ESRRG: variants seen among roughly 807,000 people sequenced by gnomAD.
ESRRG encodes the protein estrogen related receptor gamma, also known as estrogen-related receptor gamma.
Under a neutral mutation model 44.0 loss-of-function variants are expected in ESRRG, and 13 were observed. That is an observed-to-expected ratio of 0.30 (90% CI 0.19 to 0.47). The LOEUF (loss-of-function observed/expected upper bound fraction) is 0.47. Among genes scored for constraint, ESRRG ranks in the 20% least tolerant of loss-of-function variants. ESRRG has a pLI of 1.00. For synonymous variants in ESRRG, 215 were observed against 214.6 expected (o/e 1.00, Z -0.02); for missense variants, 395 against 580.6 (o/e 0.68, Z 3.29).
chr1:216,506,798 T>C lies in ESRRG; in HGVS notation c.*141A>G, dbSNP rs993754386. On this transcript the variant is annotated 3_prime_UTR_variant, in exon 7 of 7. Transcript: ENST00000408911. Reference sequence around the variant, plus strand: ...CCTATGGAGGAATCTGAAAGCTGCTTCATAGTCTTGCTGCTAAATTATCAG... The same window carrying C: ...CCTATGGAGGAATCTGAAAGCTGCTCCATAGTCTTGCTGCTAAATTATCAG... The C allele has an allele frequency of 1.1e-6, 1 of 892,712 alleles. No homozygotes were observed. Among genetic ancestry groups the C allele is most frequent in the Admixed American group, 2.7e-5 (1 of 36,606 alleles). The allele number at this position is 892,712 out of a possible 1,614,324, so 55.3% of individuals were successfully genotyped here. A position where few individuals can be genotyped will look rare whatever the true frequency, so the allele number is the denominator to read the frequency against.
At position 216,694,880 on chromosome 1, in the gene ESRRG, ACT is replaced by A. The variant is rs903911541; in HGVS notation, c.57-17391_57-17390del. ...GGCCCATTTTTTGTTTCTGTTAAAC[ACT>A]GTTTTGGCTCCAGCATTTTCCATGT... On this transcript the variant is annotated intron_variant, in intron 1 of 6. Transcript: ENST00000408911. 2.0e-3 allele frequency among the ~76,000 whole-genome samples: 297 copies of A among 152,266 alleles called. 1 individual carries two copies. The highest frequency in any genetic ancestry group is 7.1e-3 in the African/African-American group (293 of 41,554).
At chr1:216,742,652 T>C (rs1484424018) in intron 2 of ESRRG, among the ~76,000 whole-genome samples, 1 of 152,022 alleles carries the variant, frequency 6.6e-6, no homozygotes, top group African/African-American at 2.4e-5. Context: ...GATTTCTTAA[T>C]CTTTCCATTC....
chr1:216,623,077 C>CTTTTTTTTTT (rs370657704), intron 3 of ESRRG, among the ~76,000 whole-genome samples: 12 of 88,686 alleles, frequency 1.4e-4, no homozygotes, highest in Non-Finnish European at 2.2e-4. Context: ...AATCATTAAA[C>CTTTTTTTTTT]TTTTTTTTTT....
intron 2 of ESRRG, among the ~76,000 whole-genome samples, chr1:216,930,957 T>G (rs780203280): frequency 6.6e-6 from 1 of 152,218 alleles, no homozygotes; most frequent in Non-Finnish European, 1.5e-5. Context: ...GATAATGCTG[T>G]GGAGAGCTTA....
At chr1:217,049,855 G>A (rs1319986498) in intron 1 of ESRRG, among the ~76,000 whole-genome samples, 1 of 152,170 alleles carries the variant, frequency 6.6e-6, no homozygotes, top group African/African-American at 2.4e-5. Context: ...ATCCAGAATG[G>A]GGCAGAAAGT....
At chr1:216,933,551 G>A (rs920817205) in intron 2 of ESRRG, among the ~76,000 whole-genome samples, 3 of 152,156 alleles carry the variant, frequency 2.0e-5, no homozygotes, top group African/African-American at 4.8e-5. Context: ...GAGCTGATGA[G>A]GAGATGCAGA....
chr1:217,032,187 T>C (rs905442527), intron 1 of ESRRG, among the ~76,000 whole-genome samples: 5 of 152,222 alleles, frequency 3.3e-5, no homozygotes, highest in African/African-American at 1.2e-4. Flanking sequence ...TTTAACAAGC[T>C]ACCTGTTGAA....
At chr1:216,883,979 C>A (rs1321423028) in intron 2 of ESRRG, among the ~76,000 whole-genome samples, 1 of 152,082 alleles carries the variant, frequency 6.6e-6, no homozygotes, top group Non-Finnish European at 1.5e-5. Flanking sequence ...ATTTTAAATC[C>A]CCACTGCAGT....
chr1:216,876,619 T>C (rs1244869238), intron 2 of ESRRG, among the ~76,000 whole-genome samples: 1 of 151,786 alleles, frequency 6.6e-6, no homozygotes, highest in Non-Finnish European at 1.5e-5. Context: ...TCAGGGGTGA[T>C]CAATCAATGC....
At chr1:217,002,258 T>G (rs1273717980) in intron 1 of ESRRG, among the ~76,000 whole-genome samples, 1 of 139,378 alleles carries the variant, frequency 7.2e-6, no homozygotes, top group Non-Finnish European at 1.5e-5. Flanking sequence ...GCCGAGATAG[T>G]GCCACTGCAC....
chr1:216,716,795 T>C (rs758992495), intron 1 of ESRRG, among the ~76,000 whole-genome samples: 6 of 151,978 alleles, frequency 3.9e-5, no homozygotes, highest in Non-Finnish European at 8.8e-5. Context: ...CCAAGTGTTT[T>C]CCTTTTCTAT....
At position 216,861,766 on chromosome 1, in the gene ESRRG, C is replaced by G. The variant is rs115075922; in HGVS notation, c.-14+77816G>C. On this transcript the variant is annotated intron_variant, in intron 2 of 7. Transcript: ENST00000359162. ...GTGAGAAGGAAAAGACAAGCCAACA[C>G]TAGCAGAATATATTGCAAATCATAA... is the stretch of plus-strand genomic sequence containing the variant. Among the ~76,000 whole-genome samples, 1,459 of 152,126 alleles carry G rather than the reference C, an allele frequency of 9.6e-3. 18 individuals are homozygous for G. The highest frequency in any genetic ancestry group is 0.033 in the African/African-American group (1,373 of 41,528).
chr1:216,530,573 A>G (rs1016075668), intron 5 of ESRRG, among the ~76,000 whole-genome samples: 2 of 152,188 alleles, frequency 1.3e-5, no homozygotes, highest in Non-Finnish European at 2.9e-5. Context: ...ACGCACATTA[A>G]GCACAGAATG....
intron 1 of ESRRG, among the ~76,000 whole-genome samples, chr1:217,024,624 C>T (rs1030151138): frequency 2.6e-5 from 4 of 152,094 alleles, no homozygotes; most frequent in African/African-American, 9.7e-5. Context: ...TTTTCCTCTC[C>T]ACCCCATCTT....
At position 216,546,128 on chromosome 1, in the gene ESRRG, C is replaced by T. The variant is rs368738956; in HGVS notation, c.862+18091G>A. 5.3e-5 allele frequency among the ~76,000 whole-genome samples: 8 copies of T among 152,084 alleles called. No individual in the cohort carries two copies. The East Asian group carries it at 1.2e-3, about 22-fold the overall frequency. On this transcript the variant is annotated intron_variant, in intron 5 of 6. Transcript: ENST00000408911. Reference sequence around the variant, plus strand: ...CAGGAGGTGGGGGGATTGTCCTGTGCGAGGTAGGCTATTTAGCGGCAGCTC... The same window carrying T: ...CAGGAGGTGGGGGGATTGTCCTGTGTGAGGTAGGCTATTTAGCGGCAGCTC...
chr1:216,917,535 A>T (rs1489624039), intron 2 of ESRRG, among the ~76,000 whole-genome samples: 1 of 152,228 alleles, frequency 6.6e-6, no homozygotes, highest in Non-Finnish European at 1.5e-5. Flanking sequence ...GACACCCAGT[A>T]AATACTCTGT....
chr1:217,071,874 G>A (rs1226789401), intron 1 of ESRRG, among the ~76,000 whole-genome samples: 2 of 152,148 alleles, frequency 1.3e-5, no homozygotes, highest in African/African-American at 4.8e-5. Context: ...GCAGATACAT[G>A]AGCCAGAATT....
intron 1 of ESRRG, among the ~76,000 whole-genome samples, chr1:216,698,636 A>G (rs1470864010): frequency 1.3e-5 from 2 of 152,080 alleles, no homozygotes; most frequent in Non-Finnish European, 2.9e-5. Flanking sequence ...ACCAAACAGT[A>G]AGCAACGGTG....
At chr1:216,861,270 G>A (rs1006710615) in intron 2 of ESRRG, among the ~76,000 whole-genome samples, 13 of 151,872 alleles carry the variant, frequency 8.6e-5, no homozygotes, top group African/African-American at 3.1e-4. Flanking sequence ...AATAAAAGTG[G>A]TTTAAATATT....
Sources: allele counts gnomAD v4.1 joint callset (sites outside exome capture counted in the v4.1 genomes callset), GRCh38; gene constraint gnomAD v4.1.1; transcripts MANE v1.5; gene names NCBI Gene and HGNC (gene_info 2026-07-23, HGNC 2026-07-21).